Variants in SLC8A1 observed in about 807,000 individuals in gnomAD.
SLC8A1 encodes the protein solute carrier family 8 member A1, also known as sodium/calcium exchanger 1.
A neutral mutation model predicts 68.3 loss-of-function variants in SLC8A1; 18 were observed. That is an observed-to-expected ratio of 0.26 (90% CI 0.18 to 0.39). The LOEUF is 0.39. SLC8A1 is among the 10% of genes least tolerant of loss of function. The probability of loss-of-function intolerance (pLI) is 1.00; values close to 1 mark genes in which losing one functional copy is unlikely to be tolerated. For synonymous variants in SLC8A1, 475 were observed against 415.5 expected, an observed-to-expected ratio of 1.14 and a Z score of -1.74; for missense variants, 985 against 1,156.7, an observed-to-expected ratio of 0.85 and a Z score of 2.15.
At chr2:40,240,460 T>A (rs940124033) in intron 2 of SLC8A1, among the ~76,000 whole-genome samples, 3 of 152,112 alleles carry the variant, frequency 2.0e-5, no homozygotes, top group African/African-American at 7.2e-5. Flanking sequence ...ATTATTTGGA[T>A]TGGTTAAGAG....
intron 2 of SLC8A1, among the ~76,000 whole-genome samples, chr2:40,240,952 G>A (rs978975207): frequency 1.2e-4 from 19 of 152,244 alleles, no homozygotes; most frequent in African/African-American, 4.3e-4. Context: ...GATTTTTAAA[G>A]AACTTAAAAC....
chr2:40,217,624 T>C (rs2057698213), intron 2 of SLC8A1, among the ~76,000 whole-genome samples: 1 of 152,194 alleles, frequency 6.6e-6, no homozygotes, highest in Admixed American at 6.5e-5. Context: ...AGAGGATTCC[T>C]ACTTTAGAGT....
intron 1 of SLC8A1, among the ~76,000 whole-genome samples, chr2:40,505,275 C>G (rs563521315): frequency 6.6e-6 from 1 of 151,884 alleles, no homozygotes; most frequent in African/African-American, 2.4e-5. Flanking sequence ...CTACTATTTG[C>G]TAGCACATCA....
At chr2:40,112,958 G>C (rs1314155115) in exon 8 of SLC8A1, 1 of 152,332 alleles carries the variant, frequency 6.6e-6, no homozygotes, top group African/African-American at 2.4e-5. Context: ...CAGTTTCAGT[G>C]TGTTTATGTT....
chr2:40,490,966 G>A lies in SLC8A1; in HGVS notation c.-25+21383C>T, dbSNP rs78566639. 8.4e-3 allele frequency among the ~76,000 whole-genome samples: 1,280 copies of A among 152,080 alleles called. 14 individuals are homozygous for A. The highest frequency in any genetic ancestry group is 0.029 in the African/African-American group (1,221 of 41,504). ...TTCTGAAATCTCAACTTAAAAACCC[G>A]GCCATTCACTATACCTTCTATGGAA... is the stretch of plus-strand genomic sequence containing the variant. On this transcript the variant is annotated intron_variant, in intron 1 of 7. Transcript: ENST00000402441.
At chr2:40,408,341 G>C (rs1691033629) in intron 2 of SLC8A1, among the ~76,000 whole-genome samples, 1 of 152,154 alleles carries the variant, frequency 6.6e-6, no homozygotes, top group Non-Finnish European at 1.5e-5. Flanking sequence ...TCAACAGTTT[G>C]ATAAATTAGC....
intron 2 of SLC8A1, among the ~76,000 whole-genome samples, chr2:40,408,673 G>A (rs1217244495): frequency 6.6e-6 from 1 of 152,168 alleles, no homozygotes; most frequent in Non-Finnish European, 1.5e-5. Context: ...ACACAGAGAA[G>A]CATGCCTTCA....
rs921446901 is a variant in SLC8A1 at position 40,475,172 on chromosome 2, C to T, written c.-25+37177G>A. 8.5e-5 allele frequency among the ~76,000 whole-genome samples: 13 copies of T among 152,206 alleles called. No individual in the cohort carries two copies. In the East Asian group the frequency reaches 9.7e-4, roughly 11 times the overall value. On this transcript the variant is annotated intron_variant, in intron 1 of 7. Transcript: ENST00000402441. The stretch of plus-strand genomic sequence containing the variant: ...TTTTTGAGACGGAGTCTCGCTCTGT[C>T]GCCCAGGCTGGAGTGCAGTAGCGTG...
intron 2 of SLC8A1, among the ~76,000 whole-genome samples, chr2:40,415,517 C>A (rs1285038588): frequency 6.6e-6 from 1 of 151,954 alleles, no homozygotes; most frequent in Non-Finnish European, 1.5e-5. Context: ...CTTCCATTGC[C>A]ACTAATCTAA....
chr2:40,224,615 A>C (rs1225553283), intron 2 of SLC8A1, among the ~76,000 whole-genome samples: 1 of 152,068 alleles, frequency 6.6e-6, no homozygotes. Context: ...TCAACCCATC[A>C]CCCACTAGAC....
At chr2:40,489,309 T>C (rs1339126012) in intron 1 of SLC8A1, among the ~76,000 whole-genome samples, 1 of 152,116 alleles carries the variant, frequency 6.6e-6, no homozygotes, top group Non-Finnish European at 1.5e-5. Flanking sequence ...TAAATGGGAT[T>C]ACACGAGCCC....
intron 2 of SLC8A1, among the ~76,000 whole-genome samples, chr2:40,222,592 G>C (rs773533195): frequency 2.0e-5 from 3 of 152,046 alleles, no homozygotes; most frequent in Non-Finnish European, 4.4e-5. Flanking sequence ...AGGCAACCTA[G>C]AGAATGGGAA....
At chr2:40,367,973 A>G (rs187459560) in intron 2 of SLC8A1, among the ~76,000 whole-genome samples, 137 of 152,060 alleles carry the variant, frequency 9.0e-4, no homozygotes, top group African/African-American at 3.2e-3. Context: ...ATTTCTCCCC[A>G]CTGAATCTTA....
chr2:40,438,711 C>T (rs1478781811), intron 1 of SLC8A1, among the ~76,000 whole-genome samples: 3 of 152,168 alleles, frequency 2.0e-5, no homozygotes, highest in African/African-American at 4.8e-5. Context: ...GATTCTCCAA[C>T]TTCAGTTCAC....
At chr2:40,098,935 T>G (rs901079904) in exon 8 of SLC8A1, 1 of 152,048 alleles carries the variant, frequency 6.6e-6, no homozygotes, top group Non-Finnish European at 1.5e-5. Context: ...TTTTAACGTT[T>G]CGTTTAGGCC....
intron 2 of SLC8A1, chr2:40,190,431 T>C (rs568312506): frequency 3.9e-5 from 6 of 152,212 alleles, no homozygotes; most frequent in African/African-American, 7.2e-5. Context: ...ACATCTGTTA[T>C]TTGTTTATTC....
At chr2:40,337,424 C>G (rs1158993869) in intron 2 of SLC8A1, 2 of 263,124 alleles carry the variant, frequency 7.6e-6, no homozygotes, top group South Asian at 3.6e-5. Flanking sequence ...TAAGAAAGTA[C>G]CTGATTCTAC....
At chr2:40,376,838 C>A (rs1054142073) in intron 2 of SLC8A1, among the ~76,000 whole-genome samples, 2 of 152,054 alleles carry the variant, frequency 1.3e-5, no homozygotes, top group Non-Finnish European at 2.9e-5. Context: ...ACTAAATAAT[C>A]TGAATACTTG....
At chr2:40,248,085 T>C (rs1010743805) in intron 2 of SLC8A1, among the ~76,000 whole-genome samples, 1 of 152,204 alleles carries the variant, frequency 6.6e-6, no homozygotes, top group Non-Finnish European at 1.5e-5. Context: ...AAATTGTTTA[T>C]GGATTTTTTA....
Sources: gnomAD v4.1 joint callset for allele counts (sites outside exome capture counted in the v4.1 genomes callset) on GRCh38, gnomAD v4.1.1 for gene constraint, MANE v1.5 for transcripts, NCBI Gene and HGNC (gene_info 2026-07-23, HGNC 2026-07-21) for gene names.